SPMIP5: variants seen among roughly 807,000 people sequenced by gnomAD.
SPMIP5 encodes the protein sperm microtubule inner protein 5.
At chr10:116,664,226 T>G in the SPMIP5 span, 1 of 1,613,112 alleles carries the variant, frequency 6.2e-7, no homozygotes, top group South Asian at 1.1e-5. Context: ...GCTGCAAAAC[T>G]TTTGGAGACG....
At chr10:116,662,892 C>T in the SPMIP5 span, among the ~76,000 whole-genome samples, 18 of 152,192 alleles carry the variant, frequency 1.2e-4, no homozygotes, top group African/African-American at 4.1e-4. Flanking sequence ...TGTAAGAAGA[C>T]GGCCGTGTGG....
chr10:116,668,528 A>G, the SPMIP5 span, among the ~76,000 whole-genome samples: 1 of 151,898 alleles, frequency 6.6e-6, no homozygotes, highest in Non-Finnish European at 1.5e-5. Flanking sequence ...AGGGCCCATC[A>G]CCTTTTATGT....
At chr10:116,667,446 G>C in the SPMIP5 span, among the ~76,000 whole-genome samples, 1 of 152,224 alleles carries the variant, frequency 6.6e-6, no homozygotes, top group Non-Finnish European at 1.5e-5. Context: ...TTACCACAGA[G>C]AGGCAAGTTA....
the SPMIP5 span, chr10:116,664,653 C>T: frequency 9.9e-6 from 15 of 1,516,964 alleles, no homozygotes; most frequent in Non-Finnish European, 1.3e-5. Context: ...ACAAATCACA[C>T]ACAAATAGTC....
the SPMIP5 span, among the ~76,000 whole-genome samples, chr10:116,666,752 G>A: frequency 2.0e-5 from 3 of 152,214 alleles, no homozygotes; most frequent in African/African-American, 4.8e-5. Context: ...ACATTATGAA[G>A]ACCCTAGGGG....
the SPMIP5 span, among the ~76,000 whole-genome samples, chr10:116,667,137 G>A: frequency 6.6e-6 from 1 of 152,160 alleles, no homozygotes; most frequent in Non-Finnish European, 1.5e-5. Flanking sequence ...GAGGAAAGAA[G>A]AGAGAGACTT....
At chr10:116,664,406 A>G in the SPMIP5 span, 16 of 849,164 alleles carry the variant, frequency 1.9e-5, no homozygotes, top group East Asian at 4.5e-4. Flanking sequence ...AATTTATTCT[A>G]AAGGTAAAGA....
At chr10:116,663,204 A>T in the SPMIP5 span, among the ~76,000 whole-genome samples, 1 of 151,204 alleles carries the variant, frequency 6.6e-6, no homozygotes, top group Non-Finnish European at 1.5e-5. Flanking sequence ...AAAAAAAAGA[A>T]GATGGCCGTG....
the SPMIP5 span, chr10:116,663,777 A>T: frequency 9.5e-7 from 1 of 1,053,604 alleles, no homozygotes; most frequent in Non-Finnish European, 1.3e-6. Context: ...ACCACTCAGG[A>T]TGCAGGCGGC....
At chr10:116,663,400 G>T in the SPMIP5 span, among the ~76,000 whole-genome samples, 1 of 152,134 alleles carries the variant, frequency 6.6e-6, no homozygotes, top group African/African-American at 2.4e-5. Context: ...AATTTCTGTT[G>T]TCTTAAGCCA....
the SPMIP5 span, chr10:116,664,785 T>C: frequency 6.2e-7 from 1 of 1,614,036 alleles, no homozygotes; most frequent in Non-Finnish European, 8.5e-7. Context: ...CAGATGTGCC[T>C]TCTTGGCCCT....
the SPMIP5 span, among the ~76,000 whole-genome samples, chr10:116,666,965 G>C: frequency 6.6e-6 from 1 of 152,188 alleles, no homozygotes; most frequent in Non-Finnish European, 1.5e-5. Context: ...GGGTTGAACT[G>C]TATCCTCCAA....
the SPMIP5 span, among the ~76,000 whole-genome samples, chr10:116,662,560 T>C: frequency 6.6e-6 from 1 of 152,312 alleles, no homozygotes; most frequent in East Asian, 1.9e-4. Flanking sequence ...ATTCTTGCCT[T>C]GGAAAAAACC....
At chr10:116,667,981 A>G in the SPMIP5 span, among the ~76,000 whole-genome samples, 1 of 152,214 alleles carries the variant, frequency 6.6e-6, no homozygotes, top group African/African-American at 2.4e-5. Flanking sequence ...TCCTCATCAC[A>G]TTGTGTCTAT....
the SPMIP5 span, among the ~76,000 whole-genome samples, chr10:116,666,751 A>G: frequency 9.2e-5 from 14 of 152,306 alleles, no homozygotes; most frequent in African/African-American, 3.4e-4. Flanking sequence ...AACATTATGA[A>G]GACCCTAGGG....
chr10:116,666,119 A>G, the SPMIP5 span, among the ~76,000 whole-genome samples: 1 of 152,252 alleles, frequency 6.6e-6, no homozygotes, highest in Non-Finnish European at 1.5e-5. Flanking sequence ...AGCCTGACGG[A>G]AAATGGGGAA....
chr10:116,663,283 A>G, the SPMIP5 span, among the ~76,000 whole-genome samples: 2,384 of 152,202 alleles, frequency 0.016, 27 homozygotes, highest in Non-Finnish European at 0.024. Context: ...TGCAAAACAC[A>G]GCAAGCTAAG....
the SPMIP5 span, chr10:116,668,413 G>A: frequency 1.9e-6 from 2 of 1,077,508 alleles, no homozygotes; most frequent in Non-Finnish European, 1.4e-6. Context: ...GCTCTTGGGA[G>A]TGGAAGAATG....
chr10:116,662,230 T>C, the SPMIP5 span, among the ~76,000 whole-genome samples: 1 of 149,034 alleles, frequency 6.7e-6, no homozygotes, highest in Non-Finnish European at 1.5e-5. Flanking sequence ...CAGCCATTTC[T>C]TTATTCTTAT....
Sources: allele counts gnomAD v4.1 joint callset (sites outside exome capture counted in the v4.1 genomes callset), GRCh38; gene constraint gnomAD v4.1.1; transcripts MANE v1.5; gene names NCBI Gene and HGNC (gene_info 2026-07-23, HGNC 2026-07-21).